ELK1: variants seen among roughly 807,000 people sequenced by gnomAD.
ELK1 encodes the protein ETS domain-containing protein Elk-1.
For missense variants in ELK1, 254 were observed against 381.5 expected (o/e 0.67, Z 2.78); for synonymous variants, 163 against 176.3 (o/e 0.92, Z 0.60).
chrX:47,650,551 CG>C lies in ELK1; in HGVS notation c.-270del. On this transcript the variant is annotated 5_prime_UTR_variant, in exon 1 of 7. Transcript: ENST00000376983. ...GTGGAGGTGGTGGTGGCGGTGGCGGCGGCAGCACCTAGAAGCCGCCCCTGCG... is the reference window on the plus strand; with the variant it reads ...GTGGAGGTGGTGGTGGCGGTGGCGGCGCAGCACCTAGAAGCCGCCCCTGCG... The C allele has an allele frequency of 3.2e-6, 1 of 312,710 alleles. No homozygotes were observed. Among genetic ancestry groups the C allele is most frequent in the Non-Finnish European group, 5.9e-6 (1 of 168,486 alleles). The allele number at this position is 312,710 out of a possible 1,213,427, so 25.8% of individuals were successfully genotyped here.
chrX:47,642,723 C>T (rs1266649769), intron 2 of ELK1, among the ~76,000 whole-genome samples: 1 of 109,854 alleles, frequency 9.1e-6, no homozygotes, highest in Non-Finnish European at 1.9e-5. Flanking sequence ...CTCAGCCTCC[C>T]GCATAGCTGG....
chrX:47,643,802 G>A (rs751321449), intron 2 of ELK1, among the ~76,000 whole-genome samples: 11 of 110,952 alleles, frequency 9.9e-5, no homozygotes, highest in African/African-American at 3.0e-4. Context: ...ATGAGGCAGC[G>A]GAGGCACAAA....
At chrX:47,641,961 A>C (rs2058030167) in intron 2 of ELK1, among the ~76,000 whole-genome samples, 1 of 112,316 alleles carries the variant, frequency 8.9e-6, no homozygotes, top group Non-Finnish European at 1.9e-5. Flanking sequence ...CAGAGATGTG[A>C]TGACAGAAGA....
Position 47,639,139 on chromosome X carries a change from G to A in ELK1, c.410C>T (p.Ala137Val), listed in dbSNP as rs1396796884. 10 of 1,205,438 alleles carry A rather than the reference G, an allele frequency of 8.3e-6. No homozygotes were observed. In the African/African-American group the frequency reaches 1.6e-4, roughly 19 times the overall value. Residue 137 changes from alanine (A) to valine (V), a missense_variant, in exon 4 of 7, where the codon GCA becomes GTA. Transcript: ENST00000376983. ...VSGKPGTPKGAGMAGPGGLAR... is the reference protein window; with the variant it reads ...VSGKPGTPKGVGMAGPGGLAR... ...CAAACCGCCTGGGCCTGCCATTCCT[G>A]CACCCTTGGGTGTGCCTGGCTTTCC...
In ELK1 at chrX:47,639,126, G is replaced by A; in HGVS notation, c.423C>T (p.Gly141=). The change falls in exon 4 of 7, where the codon GGC becomes GGT. Residue 141 remains glycine, a synonymous_variant. Transcript: ENST00000376983. ...GGCTGCTGCGTGCCAAACCGCCTGG[G>A]CCTGCCATTCCTGCACCCTTGGGTG... ...PGTPKGAGMA[G]PGGLARSSRN... The A allele has an allele frequency of 8.3e-7, 1 of 1,204,951 alleles. No individual in the cohort carries two copies. Among genetic ancestry groups the A allele is most frequent in the African/African-American group, 1.7e-5 (1 of 57,800 alleles).
At chrX:47,637,248 G>T in intron 5 of ELK1, 134 bp from the exon 6 acceptor site, 1 of 621,265 alleles carries the variant, frequency 1.6e-6, no homozygotes, top group Non-Finnish European at 2.6e-6. Flanking sequence ...CACACACCTA[G>T]ATGGTAACCA....
At position 47,641,466 on chromosome X, in the gene ELK1, C is replaced by T; in HGVS notation, c.-25G>A. On this transcript the variant is annotated 5_prime_UTR_variant, in exon 3 of 7. Coordinates refer to ENST00000376983, the MANE Select transcript of ELK1 (RefSeq NM_001114123.3). ...TCGCTGGGGGAGTGCTCACGCCATCCCAGGGGTACCTGGAGAGCAAACAGC... is the reference window on the plus strand; with the variant it reads ...TCGCTGGGGGAGTGCTCACGCCATCTCAGGGGTACCTGGAGAGCAAACAGC... The T allele has an allele frequency of 8.4e-7, 1 of 1,193,076 alleles. No homozygotes were observed. Among genetic ancestry groups the T allele is most frequent in the Non-Finnish European group, 1.1e-6 (1 of 884,056 alleles).
rs1455773025 is a variant in ELK1, at chrX:47,639,148, G to A, written c.401C>T (p.Pro134Leu). 1 of 1,206,429 alleles carries A rather than the reference G, an allele frequency of 8.3e-7. No homozygotes were observed. The highest frequency in any genetic ancestry group is 1.1e-6 in the Non-Finnish European group (1 of 893,164). The change falls in exon 4 of 7, where the codon CCC becomes CTC. Residue 134 changes from proline (P) to leucine (L), a missense_variant. Physicochemically the swap from Pro to Leu is moderately conservative, Grantham distance 98 (BLOSUM62 -3). Coordinates refer to ENST00000376983, the MANE Select transcript of ELK1 (RefSeq NM_001114123.3). The part of the protein sequence containing the change: ...GDTVSGKPGT[P>L]KGAGMAGPGG... ...TGGGCCTGCCATTCCTGCACCCTTG[G>A]GTGTGCCTGGCTTTCCAGAGACAGT...
Position 47,650,536 on chromosome X carries a change from T to TGGC in ELK1, c.-255_-254insGCC, listed in dbSNP as rs1556865072. The TGGC allele has an allele frequency of 3.1e-6, 1 of 320,229 alleles. No individual in the cohort carries two copies. Among genetic ancestry groups the TGGC allele is most frequent in the East Asian group, 1.0e-4 (1 of 9,985 alleles). 26.4% of individuals were successfully genotyped at this position (320,229 alleles called of 1,213,427 possible). On this transcript the variant is annotated 5_prime_UTR_variant, in exon 1 of 7. Coordinates refer to ENST00000376983, the MANE Select transcript of ELK1 (RefSeq NM_001114123.3). Reference sequence around the variant, plus strand: ...GGTTCCGAGGCGGCGGTGGAGGTGGTGGTGGCGGTGGCGGCGGCAGCACCT... The same window carrying TGGC: ...GGTTCCGAGGCGGCGGTGGAGGTGGTGGCGGTGGCGGTGGCGGCGGCAGCACCT...
chrX:47,650,465 CG>C lies in ELK1; in HGVS notation c.-184del. Reference sequence around the variant, plus strand: ...GTGGCGTTGGCAATGTTGGCAGCTCCGGGGGGCGGGGGCTCCATACGCGGCC... The same window carrying C: ...GTGGCGTTGGCAATGTTGGCAGCTCCGGGGGCGGGGGCTCCATACGCGGCC... On this transcript the variant is annotated 5_prime_UTR_variant, in exon 1 of 7. The change abolishes the stop of an existing upstream ORF in the 5' untranslated region. Coordinates refer to ENST00000376983, the MANE Select transcript of ELK1 (RefSeq NM_001114123.3). 1 of 351,976 alleles carries C rather than the reference CG, an allele frequency of 2.8e-6. No homozygotes were observed. Among genetic ancestry groups the C allele is most frequent in the Non-Finnish European group, 5.5e-6 (1 of 181,579 alleles). The allele number at this position is 351,976 out of a possible 1,213,427, so 29.0% of individuals were successfully genotyped here. A position where few individuals can be genotyped will look rare whatever the true frequency, so the allele number is the denominator to read the frequency against.
intron 2 of ELK1, among the ~76,000 whole-genome samples, chrX:47,645,569 T>C (rs2058041014): frequency 8.9e-6 from 1 of 112,204 alleles, no homozygotes; most frequent in South Asian, 3.7e-4. Context: ...TACAAGGAGT[T>C]CTTCCCCAAG....
At chrX:47,649,865 G>C (rs1027533241) in intron 2 of ELK1, 56 bp downstream of exon 2, 2 of 98,848 alleles carry the variant, frequency 2.0e-5, no homozygotes, top group Non-Finnish European at 4.1e-5. Context: ...AAAAAGCCAT[G>C]GACTGATGCA....
intron 2 of ELK1, among the ~76,000 whole-genome samples, chrX:47,647,816 C>G (rs1000619237): frequency 3.6e-5 from 4 of 112,376 alleles, no homozygotes; most frequent in Non-Finnish European, 7.5e-5. Flanking sequence ...AGACAACAAA[C>G]AAGTAACCCA....
rs2058027568 is a variant in ELK1, at chrX:47,641,219, T to C, written c.210+13A>G. Reference sequence around the variant, plus strand: ...TCAGGGGGGGGTTCCAGCCCTGGTCTGAGAGACTGTACCTTGTCATAGTAG... The same window carrying C: ...TCAGGGGGGGGTTCCAGCCCTGGTCCGAGAGACTGTACCTTGTCATAGTAG... On this transcript the variant is annotated intron_variant, in intron 3 of 6. Transcript: ENST00000376983. 7.4e-6 allele frequency: 9 copies of C among 1,210,646 alleles called. No individual in the cohort carries two copies. Among genetic ancestry groups the C allele is most frequent in the Non-Finnish European group, 1.0e-5 (9 of 894,216 alleles).
At chrX:47,637,694 C>A in intron 5 of ELK1, 57 bp downstream of exon 5, 6 of 1,120,231 alleles carry the variant, frequency 5.4e-6, no homozygotes, top group Non-Finnish European at 4.8e-6. Flanking sequence ...TCACCCGCCA[C>A]ATGCCAATCC....
intron 2 of ELK1, chrX:47,649,029 T>G (rs2058051646): frequency 9.0e-6 from 1 of 111,199 alleles, no homozygotes; most frequent in African/African-American, 3.3e-5. Context: ...CCTCAAAAAT[T>G]ATCCTGTGTC....
In ELK1 at chrX:47,636,726, A is replaced by G. The variant is rs2058009302; in HGVS notation, c.*103T>C. ...AGGATCCCCACCCCACCACAATCAG[A>G]GCATGAGTCTTTCAGTTGAACTATG... On this transcript the variant is annotated 3_prime_UTR_variant, in exon 7 of 7. Coordinates refer to ENST00000376983, the MANE Select transcript of ELK1 (RefSeq NM_001114123.3). The G allele has an allele frequency of 2.5e-6, 2 of 810,040 alleles. No homozygotes were observed. Among genetic ancestry groups the G allele is most frequent in the East Asian group, 3.5e-5 (1 of 28,674 alleles). The allele number at this position is 810,040 out of a possible 1,213,427, so 66.8% of individuals were successfully genotyped here. A position where few individuals can be genotyped will look rare whatever the true frequency, so the allele number is the denominator to read the frequency against.
At chrX:47,641,597 C>A in intron 2 of ELK1, 122 bp from the exon 3 acceptor site, 1 of 533,398 alleles carries the variant, frequency 1.9e-6, no homozygotes, top group Non-Finnish European at 3.0e-6. Flanking sequence ...ACCATCATTC[C>A]CTAAACCTTC....
rs2058010388 is a variant in ELK1, at chrX:47,636,921, A to C, written c.1195T>G (p.Ser399Ala). The change falls in exon 7 of 7, where the codon TCC (serine) becomes GCC (alanine). Residue 399 changes from serine to alanine, a missense_variant. Transcript: ENST00000376983. Reference sequence around the variant, plus strand: ...ATGTGCACCTGGGCGCTGCCACTGGATGGAAACTGGGGGCAAAAAGAGGGA... The same window carrying C: ...ATGTGCACCTGGGCGCTGCCACTGGCTGGAAACTGGGGGCAAAAAGAGGGA... The part of the protein sequence containing the change: ...SPAKLSFQFP[S>A]SGSAQVHIPS... The C allele has an allele frequency of 4.2e-6, 5 of 1,180,926 alleles. No individual in the cohort carries two copies. The highest frequency in any genetic ancestry group is 5.7e-6 in the Non-Finnish European group (5 of 879,708).
Sources: allele counts gnomAD v4.1 joint callset (sites outside exome capture counted in the v4.1 genomes callset), GRCh38; gene constraint gnomAD v4.1.1; transcripts MANE v1.5; gene names NCBI Gene and HGNC (gene_info 2026-07-23, HGNC 2026-07-21).